The following NALCN variants were observed in gnomAD, a reference collection of about 807,000 sequenced individuals.
NALCN encodes sodium leak channel NALCN.
A neutral mutation model predicts 225.3 loss-of-function variants in NALCN; 111 were observed. The ratio of observed to expected loss-of-function variants is 0.49; its 90% CI spans 0.42 to 0.58. NALCN has a LOEUF of 0.58. NALCN is among the 20% of genes least tolerant of loss of function. NALCN has a pLI of 0.00. For synonymous variants in NALCN, 764 were observed against 769.0 expected, an observed-to-expected ratio of 0.99 and a Z score of 0.11; for missense variants, 1,378 against 2,202.4, an observed-to-expected ratio of 0.63 and a Z score of 7.49.
At chr13:101,378,521 T>C (rs890116470) in intron 4 of NALCN, 49 bp downstream of exon 4, 4 of 1,431,862 alleles carry the variant, frequency 2.8e-6, no homozygotes, top group Non-Finnish European at 3.9e-6. Flanking sequence ...TGCAAAATAA[T>C]TCCCATTTTG....
At chr13:101,316,032 A>G (rs1214303145) in intron 7 of NALCN, among the ~76,000 whole-genome samples, 2 of 152,124 alleles carry the variant, frequency 1.3e-5, no homozygotes, top group Admixed American at 6.6e-5. Flanking sequence ...TTGGAAGAGA[A>G]GTCAAGTCAC....
intron 15 of NALCN, among the ~76,000 whole-genome samples, chr13:101,173,016 T>C (rs2038804637): frequency 1.3e-5 from 2 of 152,330 alleles, no homozygotes; most frequent in Admixed American, 6.5e-5. Context: ...GCAAGCCTGT[T>C]ATGTAGGCGT....
At chr13:101,172,682 C>T (rs2038783127) in intron 15 of NALCN, among the ~76,000 whole-genome samples, 1 of 152,186 alleles carries the variant, frequency 6.6e-6, no homozygotes, top group Non-Finnish European at 1.5e-5. Context: ...GCCTCAGCCT[C>T]CCAAGTAGCT....
intron 9 of NALCN, among the ~76,000 whole-genome samples, chr13:101,284,921 G>A (rs543310741): frequency 1.3e-5 from 2 of 152,248 alleles, no homozygotes; most frequent in South Asian, 4.1e-4. Flanking sequence ...TCTTAGGAGC[G>A]AGTGTGTGTG....
rs766270596 is a variant in NALCN, at chr13:101,089,614, G to A, written c.3489+49C>T. 1 of 1,532,242 alleles carries A rather than the reference G, an allele frequency of 6.5e-7. No homozygotes were observed. Among genetic ancestry groups the A allele is most frequent in the Non-Finnish European group, 9.0e-7 (1 of 1,112,078 alleles). 94.9% of individuals were successfully genotyped at this position (1,532,242 alleles called of 1,614,324 possible). A position where few individuals can be genotyped will look rare whatever the true frequency, so the allele number is the denominator to read the frequency against. On this transcript the variant is annotated intron_variant, in intron 30 of 43. Coordinates refer to ENST00000251127, the MANE Select transcript of NALCN (RefSeq NM_052867.4). The surrounding 1 kb of genome is among the most constrained non-coding windows in gnomAD (Gnocchi z 4.7). ...AAAAGAAACAAATAGCTCAAAGTGA[G>A]TGGCTAGAAAAGGCTAAACCCTGTG...
At chr13:101,135,421 C>T (rs1594280348) in intron 17 of NALCN, among the ~76,000 whole-genome samples, 1 of 152,092 alleles carries the variant, frequency 6.6e-6, no homozygotes, top group Non-Finnish European at 1.5e-5. Flanking sequence ...TGTTTTGAGA[C>T]GGAGTCTCGC....
At chr13:101,380,877 C>CAA (rs2046829790) in intron 3 of NALCN, among the ~76,000 whole-genome samples, 1 of 151,610 alleles carries the variant, frequency 6.6e-6, no homozygotes, top group Admixed American at 6.6e-5. Context: ...CACACACACA[C>CAA]ACACACACAC....
chr13:101,197,110 T>C (rs1477419282), intron 13 of NALCN, among the ~76,000 whole-genome samples: 1 of 152,206 alleles, frequency 6.6e-6, no homozygotes, highest in Non-Finnish European at 1.5e-5. Context: ...GTGGCTTCTA[T>C]ACATGAGTGG....
At chr13:101,162,303 A>G (rs765813127) in intron 15 of NALCN, among the ~76,000 whole-genome samples, 16 of 152,238 alleles carry the variant, frequency 1.1e-4, no homozygotes, top group Non-Finnish European at 1.9e-4. Flanking sequence ...CTTACTTATT[A>G]TTGTACCTGG....
rs182359068 is a variant in NALCN at position 101,101,872 on chromosome 13, A to T, written c.3058-984T>A. ...AATCACACTGACCACCATTAGGGAA[A>T]GGCACAAATTCTCCTCTAAAATTTA... On this transcript the variant is annotated intron_variant, in intron 26 of 43. Transcript: ENST00000251127. Among the ~76,000 whole-genome samples the T allele has an allele frequency of 2.8e-3, 420 of 152,322 alleles. 5 individuals are homozygous for T. The highest frequency in any genetic ancestry group is 9.1e-3 in the African/African-American group (377 of 41,566).
chr13:101,197,250 A>G (rs1453574347), intron 13 of NALCN, among the ~76,000 whole-genome samples: 1 of 152,140 alleles, frequency 6.6e-6, no homozygotes. Context: ...GACAGTCTTA[A>G]GGGATGAGCC....
chr13:101,153,005 C>T (rs1321040486), intron 15 of NALCN, among the ~76,000 whole-genome samples: 1 of 152,066 alleles, frequency 6.6e-6, no homozygotes, highest in Non-Finnish European at 1.5e-5. Context: ...GATACACACA[C>T]ACACACTTAC....
intron 33 of NALCN, 59 bp from the exon 34 acceptor site, chr13:101,081,705 T>C (rs2033661875): frequency 6.3e-7 from 1 of 1,583,304 alleles, no homozygotes; most frequent in African/African-American, 1.4e-5. Flanking sequence ...TATTTAAATG[T>C]ATTAACTTGA....
At chr13:101,266,242 A>G (rs971966345) in intron 10 of NALCN, among the ~76,000 whole-genome samples, 3 of 152,212 alleles carry the variant, frequency 2.0e-5, no homozygotes. Flanking sequence ...GTAGAGATGC[A>G]GTCAGTTGCT....
intron 10 of NALCN, among the ~76,000 whole-genome samples, chr13:101,278,388 T>G (rs1236717323): frequency 1.3e-5 from 2 of 151,802 alleles, no homozygotes; most frequent in Non-Finnish European, 2.9e-5. Context: ...CCAGGCGTGG[T>G]GGCGCATGCC....
intron 1 of NALCN, among the ~76,000 whole-genome samples, chr13:101,403,729 T>C (rs2047541795): frequency 6.6e-6 from 1 of 152,224 alleles, no homozygotes; most frequent in Non-Finnish European, 1.5e-5. Flanking sequence ...GCATAAACTG[T>C]GGGGTCTTTA....
intron 13 of NALCN, among the ~76,000 whole-genome samples, chr13:101,222,843 A>G (rs746223366): frequency 1.2e-4 from 18 of 152,208 alleles, no homozygotes; most frequent in Non-Finnish European, 1.6e-4. Context: ...TTCATCCTCT[A>G]TTAAAGGCAC....
intron 3 of NALCN, among the ~76,000 whole-genome samples, chr13:101,386,263 G>A (rs1048324451): frequency 1.3e-5 from 2 of 152,170 alleles, no homozygotes; most frequent in Non-Finnish European, 2.9e-5. Context: ...ATATAAATTA[G>A]TGAAAGAGAA....
In NALCN at chr13:101,199,661, AG is replaced by A. The variant is rs1348807628; in HGVS notation, c.1627-7608del. On this transcript the variant is annotated intron_variant, in intron 13 of 43. Coordinates refer to ENST00000251127, the MANE Select transcript of NALCN (RefSeq NM_052867.4). ...CTGGGGCCTGTTGTGGGGTGGGGGG[AG>A]GGGGGAGGGATAGCATTAGGAGATA... Among the ~76,000 whole-genome samples, 21 of 56,444 alleles carry A rather than the reference AG, an allele frequency of 3.7e-4. 1 individual carries two copies. The highest frequency in any genetic ancestry group is 5.6e-4 in the Non-Finnish European group (18 of 32,162). The allele number at this position is 56,444 out of a possible 152,430, so 37.0% of individuals were successfully genotyped here.
Sources: allele counts gnomAD v4.1 joint callset (sites outside exome capture counted in the v4.1 genomes callset), GRCh38; gene constraint gnomAD v4.1.1; non-coding constraint Gnocchi (gnomAD v3.1); transcripts MANE v1.5; gene names NCBI Gene and HGNC (gene_info 2026-07-23, HGNC 2026-07-21).